CORO2B: variants seen among roughly 807,000 people sequenced by gnomAD.
CORO2B encodes the protein coronin 2B.
CORO2B carries 26 observed loss-of-function variants against 58.8 expected under a neutral mutation model. The observed-to-expected ratio is 0.44, with a 90% CI of 0.32 to 0.61. CORO2B has a LOEUF of 0.61. Among genes scored for constraint, CORO2B ranks in the 20% least tolerant of loss-of-function variants. CORO2B has a pLI of 0.04. For synonymous variants in CORO2B, 242 were observed against 253.8 expected, an observed-to-expected ratio of 0.95 and a Z score of 0.44; for missense variants, 460 against 645.1, an observed-to-expected ratio of 0.71 and a Z score of 3.11.
chr15:68,719,321 C>A, intron 10 of CORO2B, 87 bp downstream of exon 10: 1 of 1,598,446 alleles, frequency 6.3e-7, no homozygotes, highest in Non-Finnish European at 8.6e-7. Context: ...TGTCTGTCCC[C>A]CTGTTTGAAC....
At chr15:68,701,818 C>T (rs145139365) in intron 3 of CORO2B, among the ~76,000 whole-genome samples, 1 of 152,186 alleles carries the variant, frequency 6.6e-6, no homozygotes, top group African/African-American at 2.4e-5. Flanking sequence ...GTACCAGTTG[C>T]CCTATTGTAA....
chr15:68,602,152 C>T (rs1900000161), intron 1 of CORO2B, among the ~76,000 whole-genome samples: 1 of 152,044 alleles, frequency 6.6e-6, no homozygotes, highest in African/African-American at 2.4e-5. Context: ...ATTCAAATCA[C>T]AGCAGCCATC....
chr15:68,589,927 C>T lies in CORO2B; in HGVS notation c.15+10650C>T, dbSNP rs376071859. 5.0e-3 allele frequency among the ~76,000 whole-genome samples: 755 copies of T among 152,300 alleles called. 12 individuals carry two copies. The highest frequency in any genetic ancestry group is 0.017 in the African/African-American group (707 of 41,576). ...CTGCCCAGGCCTGGCAGTGCATGCC[C>T]TACATGCCTGGCTGCCCCCCTGGCC... On this transcript the variant is annotated intron_variant, in intron 1 of 11. Transcript: ENST00000261861.
intron 3 of CORO2B, among the ~76,000 whole-genome samples, chr15:68,700,531 T>G (rs1171860560): frequency 6.6e-6 from 1 of 151,476 alleles, no homozygotes; most frequent in Admixed American, 6.6e-5. Flanking sequence ...TCCTCTGGAG[T>G]CTATCCTCCA....
intron 2 of CORO2B, among the ~76,000 whole-genome samples, chr15:68,686,959 T>G (rs749424731): frequency 6.6e-6 from 1 of 152,182 alleles, no homozygotes; most frequent in Non-Finnish European, 1.5e-5. Context: ...CCTAGCACTT[T>G]GCACTCACTC....
chr15:68,583,728 A>T (rs868411843), intron 1 of CORO2B, among the ~76,000 whole-genome samples: 8 of 152,144 alleles, frequency 5.3e-5, no homozygotes, highest in Non-Finnish European at 1.0e-4. Flanking sequence ...TACCCAGGAG[A>T]TACCTGAACC....
upstream of CORO2B, among the ~76,000 whole-genome samples, chr15:68,578,149 G>A (rs1460522402): frequency 1.3e-5 from 2 of 152,180 alleles, no homozygotes; most frequent in Admixed American, 1.3e-4. This position sits in a 1 kb window ranked among gnomAD's most constrained non-coding sequence, Gnocchi z 4.2. Flanking sequence ...AGCAGCTCCA[G>A]GACACACTGT....
the CORO2B span, among the ~76,000 whole-genome samples, chr15:68,527,995 A>C: frequency 5.9e-5 from 9 of 152,208 alleles, no homozygotes; most frequent in Non-Finnish European, 1.2e-4. Context: ...TGATCTTACT[A>C]AAGTCACCAA....
At chr15:68,698,487 C>T (rs771899522) in intron 3 of CORO2B, among the ~76,000 whole-genome samples, 1 of 152,162 alleles carries the variant, frequency 6.6e-6, no homozygotes, top group Non-Finnish European at 1.5e-5. Context: ...AACAAGACAT[C>T]CATGGTTTGT....
intron 1 of CORO2B, among the ~76,000 whole-genome samples, chr15:68,611,292 T>C (rs1595967134): frequency 6.6e-6 from 1 of 152,336 alleles, no homozygotes; most frequent in East Asian, 1.9e-4. Context: ...TCTGGAAAAT[T>C]TGAAAAATCA....
At chr15:68,589,334 A>G (rs1899643212) in intron 1 of CORO2B, among the ~76,000 whole-genome samples, 1 of 152,234 alleles carries the variant, frequency 6.6e-6, no homozygotes, top group African/African-American at 2.4e-5. Context: ...CACAGCATTC[A>G]TCAAAGGGCT....
chr15:68,549,383 T>A, the CORO2B span, among the ~76,000 whole-genome samples: 694 of 146,834 alleles, frequency 4.7e-3, 5 homozygotes, highest in Middle Eastern at 0.014. Context: ...GGTTTTTTTT[T>A]AATTGGTTGG....
chr15:68,616,509 C>T (rs1900362025), intron 1 of CORO2B: 1 of 984,168 alleles, frequency 1.0e-6, no homozygotes, highest in Non-Finnish European at 1.2e-6. Flanking sequence ...TGCTCCACTC[C>T]CTTAAAAGCA....
At chr15:68,631,077 G>T (rs948999312) in intron 1 of CORO2B, among the ~76,000 whole-genome samples, 11 of 152,158 alleles carry the variant, frequency 7.2e-5, no homozygotes, top group Non-Finnish European at 1.3e-4. Flanking sequence ...GGGGTAGGGG[G>T]TGCTGGGAAT....
chr15:68,518,552 C>G, the CORO2B span, among the ~76,000 whole-genome samples: 1 of 152,142 alleles, frequency 6.6e-6, no homozygotes, highest in South Asian at 2.1e-4. Flanking sequence ...CTCTTTTCCC[C>G]CTTGCTCCCT....
chr15:68,548,590 A>G, the CORO2B span, among the ~76,000 whole-genome samples: 2 of 152,228 alleles, frequency 1.3e-5, no homozygotes, highest in Non-Finnish European at 2.9e-5. Flanking sequence ...CTAGGAATAT[A>G]TCTCAAAACA....
chr15:68,691,135 C>G lies in CORO2B; in HGVS notation c.217-4005C>G, dbSNP rs563170424. Among the ~76,000 whole-genome samples, 183 of 150,884 alleles carry G rather than the reference C, an allele frequency of 1.2e-3. 1 individual carries two copies. In the East Asian group the frequency reaches 0.033, roughly 27 times the overall value. On this transcript the variant is annotated intron_variant, in intron 2 of 11. Transcript: ENST00000261861. ...ACGAGGTCAGGAGATCGAGACCATCCTGGCTAACACGGTGAAACCCCGTCT... is the reference window on the plus strand; with the variant it reads ...ACGAGGTCAGGAGATCGAGACCATCGTGGCTAACACGGTGAAACCCCGTCT...
intron 3 of CORO2B, among the ~76,000 whole-genome samples, chr15:68,701,749 G>T (rs1892657489): frequency 6.6e-6 from 1 of 152,202 alleles, no homozygotes; most frequent in South Asian, 2.1e-4. Flanking sequence ...CTCCCGAAGT[G>T]CTGGGATTAC....
At chr15:68,625,846 C>G (rs571577479) in intron 1 of CORO2B, among the ~76,000 whole-genome samples, 21 of 152,250 alleles carry the variant, frequency 1.4e-4, no homozygotes, top group African/African-American at 5.1e-4. Flanking sequence ...CTCAAGCAAT[C>G]TGCCCCCCTT....
Sources: allele counts gnomAD v4.1 joint callset (sites outside exome capture counted in the v4.1 genomes callset), GRCh38; gene constraint gnomAD v4.1.1; non-coding constraint Gnocchi (gnomAD v3.1); transcripts MANE v1.5; gene names NCBI Gene and HGNC (gene_info 2026-07-23, HGNC 2026-07-21).